The following RBFOX1 variants were observed in gnomAD, a reference collection of about 807,000 sequenced individuals.
The protein encoded by RBFOX1 is RNA binding protein fox-1 homolog 1.
Under a neutral mutation model 57.7 loss-of-function variants are expected in RBFOX1, and 8 were observed. That is an observed-to-expected ratio of 0.14 (90% CI 0.08 to 0.25). The LOEUF (loss-of-function observed/expected upper bound fraction) is 0.25, where lower values mean the gene tolerates loss of function less well. RBFOX1 is among the 10% of genes least tolerant of loss of function. The probability of loss-of-function intolerance (pLI) is 1.00; values close to 1 mark genes in which losing one functional copy is unlikely to be tolerated. For synonymous variants in RBFOX1, 326 were observed against 222.4 expected (o/e 1.47, Z -4.15); for missense variants, 611 against 548.5 (o/e 1.11, Z -1.14).
intron 4 of RBFOX1, among the ~76,000 whole-genome samples, chr16:5,948,006 AT>A (rs2059438715): frequency 6.6e-6 from 1 of 152,164 alleles, no homozygotes; most frequent in Admixed American, 6.5e-5. Flanking sequence ...ATGTTCATAC[AT>A]TTTCATGGCA....
intron 2 of RBFOX1, among the ~76,000 whole-genome samples, chr16:6,551,506 C>T (rs1332266208): frequency 1.3e-5 from 2 of 152,154 alleles, no homozygotes; most frequent in African/African-American, 4.8e-5. Context: ...TTACTTGTAG[C>T]TATTGGCTCA....
intron 1 of RBFOX1, among the ~76,000 whole-genome samples, chr16:5,381,886 A>C (rs1006170746): frequency 6.6e-6 from 1 of 152,188 alleles, no homozygotes; most frequent in Non-Finnish European, 1.5e-5. Context: ...TGGGATTCTC[A>C]GTCTTGGCGC....
chr16:6,537,935 T>A (rs1283903688), intron 2 of RBFOX1, among the ~76,000 whole-genome samples: 1 of 152,032 alleles, frequency 6.6e-6, no homozygotes, highest in Non-Finnish European at 1.5e-5. Context: ...AAGATTTTTT[T>A]TTTTAATAAA....
At chr16:6,837,130 G>C (rs538238443) in intron 3 of RBFOX1, among the ~76,000 whole-genome samples, 1 of 152,360 alleles carries the variant, frequency 6.6e-6, no homozygotes, top group Middle Eastern at 3.4e-3. Flanking sequence ...TTTGCAAACA[G>C]TACAGTTTTA....
At chr16:5,949,995 C>T (rs1235805671) in intron 4 of RBFOX1, among the ~76,000 whole-genome samples, 1 of 152,166 alleles carries the variant, frequency 6.6e-6, no homozygotes, top group Non-Finnish European at 1.5e-5. Context: ...GTTGATGTGG[C>T]CATCATTCAG....
intron 2 of RBFOX1, among the ~76,000 whole-genome samples, chr16:6,537,424 C>G (rs1005880282): frequency 1.3e-5 from 2 of 152,086 alleles, no homozygotes; most frequent in Non-Finnish European, 2.9e-5. Context: ...TGGAGCCATG[C>G]GTGTATTATT....
chr16:6,930,882 T>C (rs2076394057), intron 3 of RBFOX1, among the ~76,000 whole-genome samples: 1 of 152,088 alleles, frequency 6.6e-6, no homozygotes, highest in South Asian at 2.1e-4. Context: ...TCCTATCCAA[T>C]ACCCCTGCCC....
At chr16:7,215,542 G>C (rs2091895055) in intron 4 of RBFOX1, among the ~76,000 whole-genome samples, 1 of 152,076 alleles carries the variant, frequency 6.6e-6, no homozygotes, top group African/African-American at 2.4e-5. Flanking sequence ...CCCATTTTAA[G>C]TGTACAGTTC....
chr16:6,867,484 C>T (rs558968290), intron 3 of RBFOX1, among the ~76,000 whole-genome samples: 458 of 152,052 alleles, frequency 3.0e-3, no homozygotes, highest in Middle Eastern at 6.8e-3. Context: ...TTTGGGGGGC[C>T]GAGACAGGCG....
rs1023190570 is a variant in RBFOX1, at chr16:7,224,157, G to A, written c.27+172059G>A. 3.0e-3 allele frequency among the ~76,000 whole-genome samples: 125 copies of A among 42,346 alleles called. 1 individual carries two copies. The highest frequency in any genetic ancestry group is 5.4e-3 in the East Asian group (3 of 558). 27.8% of individuals were successfully genotyped at this position (42,346 alleles called of 152,430 possible). A position where few individuals can be genotyped will look rare whatever the true frequency, so the allele number is the denominator to read the frequency against. On this transcript the variant is annotated intron_variant, in intron 4 of 15. Transcript: ENST00000550418. The stretch of plus-strand genomic sequence containing the variant: ...AAAAAAAAAAAAAAAAAAAAAAAAA[G>A]GCTCAGTTGAGGAACTCACTCAGCT...
chr16:6,285,687 C>T (rs2076833672), intron 1 of RBFOX1, among the ~76,000 whole-genome samples: 1 of 152,156 alleles, frequency 6.6e-6, no homozygotes, highest in Non-Finnish European at 1.5e-5. Context: ...CCTATCCATC[C>T]TTGTATATCC....
At position 5,690,523 on chromosome 16, in the gene RBFOX1, C is replaced by G. The variant is rs549837066; in HGVS notation, c.318+91562C>G. On this transcript the variant is annotated intron_variant, in intron 3 of 19. Transcript: ENST00000641259. Reference sequence around the variant, plus strand: ...TAACGCCTGGCATGATGGAGGCACTCAGTCCATACAACACTCACTTCTGTT... The same window carrying G: ...TAACGCCTGGCATGATGGAGGCACTGAGTCCATACAACACTCACTTCTGTT... Among the ~76,000 whole-genome samples, 14 of 152,088 alleles carry G rather than the reference C, an allele frequency of 9.2e-5. No homozygotes were observed. In the East Asian group the frequency reaches 2.7e-3, roughly 30 times the overall value.
intron 1 of RBFOX1, among the ~76,000 whole-genome samples, chr16:6,235,629 C>T (rs8052833): frequency 0.27 from 39,772 of 149,370 alleles, 5,432 homozygotes; most frequent in Middle Eastern, 0.37. Context: ...TATATATATA[C>T]TTACATATAT....
intron 2 of RBFOX1, among the ~76,000 whole-genome samples, chr16:5,547,928 G>A (rs2045283432): frequency 6.6e-6 from 1 of 151,882 alleles, no homozygotes; most frequent in East Asian, 1.9e-4. Flanking sequence ...GGGAGGCTAA[G>A]GTGGGCAGAT....
chr16:6,028,509 T>TAA (rs36218292), intron 1 of RBFOX1, among the ~76,000 whole-genome samples: 34,455 of 104,014 alleles, frequency 0.33, 6,167 homozygotes, highest in East Asian at 0.4. Context: ...CTGTCTCTGT[T>TAA]AAAAAAAAAA....
intron 3 of RBFOX1, among the ~76,000 whole-genome samples, chr16:6,697,682 A>T (rs1356793821): frequency 6.6e-6 from 1 of 152,190 alleles, no homozygotes; most frequent in Admixed American, 6.5e-5. Flanking sequence ...AGAAAACCCC[A>T]TGGCGAACAA....
chr16:7,624,476 C>T (rs2059777511), intron 10 of RBFOX1, among the ~76,000 whole-genome samples: 1 of 152,278 alleles, frequency 6.6e-6, no homozygotes, highest in South Asian at 2.1e-4. Flanking sequence ...CCTATGAGCA[C>T]TAAACGTGAT....
At chr16:7,654,686 C>A (rs2065892551) in intron 12 of RBFOX1, among the ~76,000 whole-genome samples, 1 of 152,064 alleles carries the variant, frequency 6.6e-6, no homozygotes, top group Non-Finnish European at 1.5e-5. Flanking sequence ...TCTTGAAATG[C>A]TAGTCTGTCC....
intron 4 of RBFOX1, among the ~76,000 whole-genome samples, chr16:7,413,388 C>T (rs1028387925): frequency 6.6e-6 from 1 of 152,080 alleles, no homozygotes; most frequent in East Asian, 1.9e-4. Context: ...TTGTTAAAAC[C>T]TAGATGTCCA....
Sources: gnomAD v4.1 joint callset for allele counts (sites outside exome capture counted in the v4.1 genomes callset) on GRCh38, gnomAD v4.1.1 for gene constraint, MANE v1.5 for transcripts, NCBI Gene and HGNC (gene_info 2026-07-23, HGNC 2026-07-21) for gene names.